Variants in TRPM3 observed in about 807,000 individuals in gnomAD.
The protein encoded by TRPM3 is transient receptor potential cation channel subfamily M member 3, also known as long transient receptor potential channel 3.
TRPM3 carries 77 observed loss-of-function variants against 181.2 expected under a neutral mutation model. The ratio of observed to expected loss-of-function variants is 0.42; its 90% CI spans 0.35 to 0.51. TRPM3 has a LOEUF of 0.51. Among genes scored for constraint, TRPM3 ranks in the 20% least tolerant of loss-of-function variants. The pLI is 0.01. For missense variants in TRPM3, 1,759 were observed against 2,196.7 expected (o/e 0.80, Z 3.98); for synonymous variants, 745 against 796.4 (o/e 0.94, Z 1.09).
Position 70,625,053 on chromosome 9 carries a change from A to T in TRPM3, c.1809+138T>A. 2.1e-6 allele frequency: 2 copies of T among 966,154 alleles called. No individual in the cohort carries two copies. Among genetic ancestry groups the T allele is most frequent in the Non-Finnish European group, 2.9e-6 (2 of 689,178 alleles). The allele number at this position is 966,154 out of a possible 1,614,324, so 59.8% of individuals were successfully genotyped here. ...TGATAAGATTAATTTGAATTTCATT[A>T]CTTTTCTTTGATTGTTTAGGTTCAC... On this transcript the variant is annotated intron_variant, in intron 14 of 25. Transcript: ENST00000677713. This position sits in a 1 kb window ranked among gnomAD's most constrained non-coding sequence, Gnocchi z 4.8.
At chr9:70,784,411 G>A (rs760694268) in intron 6 of TRPM3, 132 bp from the exon 7 acceptor site, 12 of 1,025,640 alleles carry the variant, frequency 1.2e-5, no homozygotes, top group Non-Finnish European at 1.7e-5. Flanking sequence ...AACATATGAA[G>A]GGATATGGTA....
At chr9:71,151,276 T>A (rs989811177) in intron 1 of TRPM3, among the ~76,000 whole-genome samples, 2 of 151,986 alleles carry the variant, frequency 1.3e-5, no homozygotes, top group Non-Finnish European at 2.9e-5. Flanking sequence ...TTTTCCAATA[T>A]GGAAAGAGTT....
intron 6 of TRPM3, among the ~76,000 whole-genome samples, chr9:70,823,631 T>G (rs986586877): frequency 7.9e-5 from 12 of 152,240 alleles, no homozygotes; most frequent in African/African-American, 2.9e-4. Context: ...TCGAAAGCAC[T>G]TTTTAAAAAC....
chr9:70,773,885 C>T (rs1228471385), intron 7 of TRPM3, among the ~76,000 whole-genome samples: 1 of 152,130 alleles, frequency 6.6e-6, no homozygotes, highest in Admixed American at 6.5e-5. Flanking sequence ...TGATTCGATG[C>T]ACTACGTGAT....
chr9:70,923,019 C>T (rs952995691), intron 1 of TRPM3, among the ~76,000 whole-genome samples: 5 of 152,002 alleles, frequency 3.3e-5, no homozygotes, highest in African/African-American at 9.7e-5. Context: ...AGAGAAAAAG[C>T]CATTGATCTT....
chr9:71,373,000 G>T (rs2092565732), intron 1 of TRPM3, among the ~76,000 whole-genome samples: 1 of 152,122 alleles, frequency 6.6e-6, no homozygotes, highest in Non-Finnish European at 1.5e-5. Context: ...CATGGGAATT[G>T]AACAACCTGC....
intron 1 of TRPM3, among the ~76,000 whole-genome samples, chr9:71,397,986 C>T (rs562482297): frequency 1.3e-5 from 2 of 152,282 alleles, no homozygotes; most frequent in African/African-American, 4.8e-5. Flanking sequence ...CTCCTGGCAA[C>T]TTTAACCAGT....
intron 9 of TRPM3, among the ~76,000 whole-genome samples, chr9:70,645,297 A>G (rs2058663192): frequency 6.6e-6 from 1 of 152,102 alleles, no homozygotes; most frequent in Admixed American, 6.6e-5. Flanking sequence ...CACACTTCCC[A>G]TCTTCAAGCT....
At chr9:71,014,590 C>T (rs1239641260) in intron 1 of TRPM3, among the ~76,000 whole-genome samples, 1 of 152,008 alleles carries the variant, frequency 6.6e-6, no homozygotes, top group Non-Finnish European at 1.5e-5. Context: ...TGGCCTTTAG[C>T]ATTATAAAGC....
At chr9:71,066,968 G>GA (rs1211972786) in intron 1 of TRPM3, among the ~76,000 whole-genome samples, 1 of 151,962 alleles carries the variant, frequency 6.6e-6, no homozygotes, top group Admixed American at 6.6e-5. Flanking sequence ...AGAGGTTTGG[G>GA]AAAAAAACTG....
chr9:71,039,547 T>C (rs2058593501), intron 1 of TRPM3, among the ~76,000 whole-genome samples: 1 of 152,218 alleles, frequency 6.6e-6, no homozygotes, highest in Non-Finnish European at 1.5e-5. Context: ...GGAAATGCCA[T>C]ATGTAACCTT....
intron 8 of TRPM3, among the ~76,000 whole-genome samples, chr9:70,699,744 G>A (rs1290457313): frequency 3.3e-5 from 5 of 152,174 alleles, no homozygotes; most frequent in East Asian, 1.9e-4. Flanking sequence ...CTTGGAGTGA[G>A]GATTGGAGGT....
chr9:71,200,344 A>G (rs2078696859), intron 1 of TRPM3, among the ~76,000 whole-genome samples: 1 of 151,522 alleles, frequency 6.6e-6, no homozygotes, highest in East Asian at 1.9e-4. Context: ...AAAAATGTAT[A>G]TTCTGTTGAT....
intron 1 of TRPM3, among the ~76,000 whole-genome samples, chr9:71,444,883 TAG>T (rs2094183171): frequency 6.6e-6 from 1 of 152,244 alleles, no homozygotes; most frequent in African/African-American, 2.4e-5. Context: ...ATTAGGGTTT[TAG>T]AAGAAAATCA....
intron 9 of TRPM3, among the ~76,000 whole-genome samples, chr9:70,653,504 G>T (rs1347047302): frequency 6.6e-6 from 1 of 151,140 alleles, no homozygotes; most frequent in Admixed American, 6.6e-5. Context: ...TCTCCCATCA[G>T]ATTTGACCAA....
At chr9:71,344,063 A>T (rs956933542) in intron 1 of TRPM3, among the ~76,000 whole-genome samples, 1 of 149,678 alleles carries the variant, frequency 6.7e-6, no homozygotes, top group African/African-American at 2.5e-5. Flanking sequence ...TAGATAGATA[A>T]ACTGAAGAGG....
intron 25 of TRPM3, among the ~76,000 whole-genome samples, chr9:70,542,432 G>A (rs1177984568): frequency 6.6e-6 from 1 of 152,160 alleles, no homozygotes; most frequent in East Asian, 1.9e-4. Flanking sequence ...AATAACTCAA[G>A]TAGTGATCAG....
intron 8 of TRPM3, among the ~76,000 whole-genome samples, chr9:70,743,857 TTTAA>T (rs1360870580): frequency 2.6e-5 from 4 of 152,194 alleles, no homozygotes; most frequent in African/African-American, 7.2e-5. Context: ...TTTATTTTTA[TTTAA>T]TTGATTGTAT....
At chr9:71,437,796 G>GGGC (rs1461032501) in intron 1 of TRPM3, among the ~76,000 whole-genome samples, 1 of 151,268 alleles carries the variant, frequency 6.6e-6, no homozygotes, top group Non-Finnish European at 1.5e-5. Flanking sequence ...TGAACCCAGG[G>GGGC]GGCGGGGGTT....
Sources: allele counts gnomAD v4.1 joint callset (sites outside exome capture counted in the v4.1 genomes callset), GRCh38; gene constraint gnomAD v4.1.1; non-coding constraint Gnocchi (gnomAD v3.1); transcripts MANE v1.5; gene names NCBI Gene and HGNC (gene_info 2026-07-23, HGNC 2026-07-21).